Variants in PTPN13 observed in about 807,000 individuals in gnomAD.
PTPN13 encodes the protein protein tyrosine phosphatase non-receptor type 13, also known as tyrosine-protein phosphatase non-receptor type 13.
PTPN13 carries 191 observed loss-of-function variants against 284.0 expected under a neutral mutation model. The observed-to-expected ratio is 0.67, with a 90% CI of 0.60 to 0.76. The LOEUF (loss-of-function observed/expected upper bound fraction) is 0.76. Ranked by LOEUF, PTPN13 falls within the 30% of genes least tolerant of loss-of-function variation. The pLI, the probability that PTPN13 is intolerant of heterozygous loss-of-function variation, is 0.00. For missense variants in PTPN13, 2,797 were observed against 2,939.9 expected (o/e 0.95, Z 1.12); for synonymous variants, 986 against 1,022.3 (o/e 0.96, Z 0.68).
intron 2 of PTPN13, 50 bp from the exon 3 acceptor site, chr4:86,672,315 C>G: frequency 7.0e-7 from 1 of 1,422,670 alleles, no homozygotes; most frequent in Non-Finnish European, 9.4e-7. Context: ...TAATTTTAAG[C>G]AATTTTCTTC....
intron 2 of PTPN13, among the ~76,000 whole-genome samples, chr4:86,642,072 C>G (rs1165983902): frequency 6.6e-6 from 1 of 152,044 alleles, no homozygotes; most frequent in Non-Finnish European, 1.5e-5. Context: ...TATAAATGGA[C>G]AAGATATTTT....
At chr4:86,680,980 C>T (rs1292072722) in intron 3 of PTPN13, among the ~76,000 whole-genome samples, 2 of 152,128 alleles carry the variant, frequency 1.3e-5, no homozygotes, top group Non-Finnish European at 2.9e-5. Flanking sequence ...GGACCTTACT[C>T]TCAAAGGACC....
intron 1 of PTPN13, among the ~76,000 whole-genome samples, chr4:86,603,133 A>AT (rs1028006282): frequency 3.4e-4 from 51 of 152,120 alleles, no homozygotes; most frequent in African/African-American, 1.1e-3. Flanking sequence ...TAAATAATAT[A>AT]TTTTTTCATG....
At chr4:86,595,264 G>A (rs1457785205) in intron 1 of PTPN13, among the ~76,000 whole-genome samples, 1 of 152,012 alleles carries the variant, frequency 6.6e-6, no homozygotes. Flanking sequence ...GCTCGAGAAG[G>A]GGGTGGGATG....
At chr4:86,656,942 G>A (rs919601268) in intron 2 of PTPN13, among the ~76,000 whole-genome samples, 6 of 152,200 alleles carry the variant, frequency 3.9e-5, no homozygotes, top group South Asian at 2.1e-4. Context: ...CCATCCCCGA[G>A]CCTCGCTGCC....
intron 40 of PTPN13, among the ~76,000 whole-genome samples, chr4:86,786,346 C>T (rs71605618): frequency 0.083 from 12,551 of 152,120 alleles, 646 homozygotes; most frequent in Non-Finnish European, 0.11. Context: ...TGGGATAATT[C>T]TCCTCATTAT....
At chr4:86,724,649 A>C (rs938631842) in intron 10 of PTPN13, among the ~76,000 whole-genome samples, 3 of 152,120 alleles carry the variant, frequency 2.0e-5, no homozygotes, top group Non-Finnish European at 2.9e-5. Context: ...GAGGCTGAAA[A>C]GGGTAATGGG....
intron 4 of PTPN13, among the ~76,000 whole-genome samples, chr4:86,687,246 T>G (rs1424050147): frequency 6.6e-6 from 1 of 152,154 alleles, no homozygotes; most frequent in Non-Finnish European, 1.5e-5. Context: ...TCTTGGCACT[T>G]CAAATCGTAC....
At chr4:86,701,210 G>T (rs377402412) in intron 6 of PTPN13, 31 bp from the exon 7 acceptor site, 4 of 1,446,506 alleles carry the variant, frequency 2.8e-6, no homozygotes, top group Non-Finnish European at 2.8e-6. Context: ...TAAAAATTGT[G>T]TGCATACATG....
At chr4:86,691,279 T>A (rs962617308) in intron 5 of PTPN13, among the ~76,000 whole-genome samples, 3 of 151,658 alleles carry the variant, frequency 2.0e-5, no homozygotes, top group Non-Finnish European at 4.4e-5. Context: ...CTGTATCCTA[T>A]AGGCTAGATA....
intron 3 of PTPN13, among the ~76,000 whole-genome samples, chr4:86,681,396 A>C (rs1728878881): frequency 6.6e-6 from 1 of 152,150 alleles, no homozygotes; most frequent in Non-Finnish European, 1.5e-5. Flanking sequence ...GGTTGTCATA[A>C]CTGAGAGGGT....
In PTPN13 at chr4:86,722,343, G is replaced by C. The variant is rs1211864956; in HGVS notation, c.1517G>C (p.Gly506Ala). ...CAGTCTCGGTTGAGCCTATATCCAGGAGACACAATCAAAGCGTCCATGCTT... is the reference window on the plus strand; with the variant it reads ...CAGTCTCGGTTGAGCCTATATCCAGCAGACACAATCAAAGCGTCCATGCTT... ...LRQSRLSLYPGDTIKASMLDI... is the reference protein window; with the variant it reads ...LRQSRLSLYPADTIKASMLDI... The change falls in exon 10 of 48, where the codon GGA becomes GCA. Residue 506 changes from glycine to alanine, a missense_variant. Transcript: ENST00000411767. 1.2e-6 allele frequency: 2 copies of C among 1,613,730 alleles called. No individual in the cohort carries two copies. The highest frequency in any genetic ancestry group is 2.2e-5 in the South Asian group (2 of 91,052).
chr4:86,725,424 G>A lies in PTPN13; in HGVS notation c.1608+2990G>A, dbSNP rs553684090. Among the ~76,000 whole-genome samples the A allele has an allele frequency of 4.4e-4, 65 of 149,090 alleles. 5 individuals are homozygous for A. Among genetic ancestry groups the A allele is most frequent in the Middle Eastern group, 3.4e-3 (1 of 290 alleles). ...TTCCACAAAGGTTGAACTACTTTAC[G>A]CTCCCACCAACAGTGTAAAAGCGTT... On this transcript the variant is annotated intron_variant, in intron 10 of 47. Transcript: ENST00000411767.
Position 86,763,007 on chromosome 4 carries a change from G to A in PTPN13, c.3834G>A (p.Gln1278=), listed in dbSNP as rs771506125. 10 of 1,613,736 alleles carry A rather than the reference G, an allele frequency of 6.2e-6. No homozygotes were observed. The highest frequency in any genetic ancestry group is 8.5e-6 in the Non-Finnish European group (10 of 1,179,866). The change falls in exon 24 of 48, where the codon CAG becomes CAA. Residue 1278 remains glutamine (Q), a synonymous_variant. Transcript: ENST00000411767. ...HLGDQTWQES[Q]HGSPSPSVIS... is the part of the protein sequence containing the mutation. Reference sequence around the variant, plus strand: ...GTGACCAAACCTGGCAGGAATCACAGCATGGCAGCCCTTCCCCATCTGTAA... The same window carrying A: ...GTGACCAAACCTGGCAGGAATCACAACATGGCAGCCCTTCCCCATCTGTAA...
chr4:86,688,674 T>C (rs1466796643), intron 4 of PTPN13, among the ~76,000 whole-genome samples: 1 of 152,182 alleles, frequency 6.6e-6, no homozygotes, highest in East Asian at 1.9e-4. Context: ...AAATGGTGTG[T>C]ATGTTTGTGT....
intron 17 of PTPN13, among the ~76,000 whole-genome samples, chr4:86,747,562 G>A (rs1475592125): frequency 1.4e-5 from 2 of 147,024 alleles, no homozygotes; most frequent in African/African-American, 2.7e-5. Flanking sequence ...AGCAGCAGCA[G>A]CAGCAGCAGC....
At chr4:86,664,644 A>C (rs1355982106) in intron 2 of PTPN13, among the ~76,000 whole-genome samples, 1 of 152,188 alleles carries the variant, frequency 6.6e-6, no homozygotes, top group African/African-American at 2.4e-5. Context: ...AGTTACAAAA[A>C]CTTTTTTTCA....
intron 3 of PTPN13, among the ~76,000 whole-genome samples, chr4:86,684,070 T>C (rs1432240641): frequency 6.6e-6 from 1 of 151,952 alleles, no homozygotes; most frequent in East Asian, 1.9e-4. Context: ...AAGTTCTGTG[T>C]TACTTGCTAA....
chr4:86,742,446 A>G (rs190151401), intron 16 of PTPN13, among the ~76,000 whole-genome samples: 23 of 152,352 alleles, frequency 1.5e-4, no homozygotes, highest in Middle Eastern at 3.4e-3. Flanking sequence ...TCAGAGATGA[A>G]TAAAAAATAT....
Sources: allele counts gnomAD v4.1 joint callset (sites outside exome capture counted in the v4.1 genomes callset), GRCh38; gene constraint gnomAD v4.1.1; transcripts MANE v1.5; gene names NCBI Gene and HGNC (gene_info 2026-07-23, HGNC 2026-07-21).